ZEB1: variants seen among roughly 807,000 people sequenced by gnomAD.
The protein encoded by ZEB1 is zinc finger E-box binding homeobox 1.
In ZEB1, 21 loss-of-function variants were observed where a neutral mutation model predicts 84.9. That is an observed-to-expected ratio of 0.25 (90% CI 0.18 to 0.36). The LOEUF is 0.36. ZEB1 is among the 10% of genes least tolerant of loss of function. The pLI is 1.00. For missense variants in ZEB1, 1,104 were observed against 1,330.2 expected, an observed-to-expected ratio of 0.83 and a Z score of 2.65; for synonymous variants, 420 against 471.1, an observed-to-expected ratio of 0.89 and a Z score of 1.41.
At chr10:31,379,777 A>G (rs1564651176) in intron 1 of ZEB1, among the ~76,000 whole-genome samples, 2 of 151,766 alleles carry the variant, frequency 1.3e-5, no homozygotes, top group Non-Finnish European at 2.9e-5. Context: ...AGTGTAATAA[A>G]CCCCATGGCC....
At position 31,527,161 on chromosome 10, in the gene ZEB1, G is replaced by T; in HGVS notation, c.3275G>T (p.Gly1092Val). ...GAGGGAGAAGAAGCAAAAACTGAAGGTCTGATGAAGGATGACAGGGCTGAA... is the reference window on the plus strand; with the variant it reads ...GAGGGAGAAGAAGCAAAAACTGAAGTTCTGATGAAGGATGACAGGGCTGAA... ...ENEGEEAKTE[G>V]LMKDDRAESQ... Residue 1092 changes from glycine to valine, a missense_variant, in exon 9 of 9, where the codon GGT becomes GTT. Gly to Val is a moderately radical substitution (Grantham distance 109, BLOSUM62 -3). Coordinates refer to ENST00000424869, the MANE Select transcript of ZEB1 (RefSeq NM_001174096.2). 4 of 1,610,812 alleles carry T rather than the reference G, an allele frequency of 2.5e-6. No homozygotes were observed. The highest frequency in any genetic ancestry group is 3.4e-6 in the Non-Finnish European group (4 of 1,178,342).
chr10:31,508,655 T>G (rs1379711068), intron 4 of ZEB1, among the ~76,000 whole-genome samples: 2 of 152,034 alleles, frequency 1.3e-5, no homozygotes, highest in African/African-American at 4.8e-5. Flanking sequence ...CTCAGGCCCC[T>G]TGGTGGTGTG....
intron 1 of ZEB1, among the ~76,000 whole-genome samples, chr10:31,427,661 G>A (rs2057132339): frequency 6.6e-6 from 1 of 152,066 alleles, no homozygotes; most frequent in African/African-American, 2.4e-5. Flanking sequence ...AGACCATCCT[G>A]GCTAACATGG....
intron 6 of ZEB1, among the ~76,000 whole-genome samples, chr10:31,518,664 G>A (rs533159309): frequency 6.6e-6 from 1 of 152,168 alleles, no homozygotes; most frequent in African/African-American, 2.4e-5. Context: ...ACTATGTGAT[G>A]GAGCCAGGAT....
rs2072303842 is a variant in ZEB1 at position 31,521,301 on chromosome 10, G to T, written c.1969G>T (p.Ala657Ser). 1.2e-6 allele frequency: 2 copies of T among 1,613,908 alleles called. No homozygotes were observed. Among genetic ancestry groups the T allele is most frequent in the African/African-American group, 2.7e-5 (2 of 74,882 alleles). ...TGAACCAGGCAAAGTAAATATCCCT[G>T]CCAAGAACAATGATCAGCCTCAATC... is the stretch of plus-strand genomic sequence containing the variant. ...SPEPGKVNIP[A>S]KNNDQPQSAN... Residue 657 changes from alanine to serine, a missense_variant, in exon 7 of 9, where the codon GCC becomes TCC. Ala to Ser is a moderately conservative substitution (Grantham distance 99, BLOSUM62 1). Around this residue, in one of 7 missense-constraint regions of ZEB1, gnomAD observed 531 missense variants for 575.2 expected, o/e 0.92. Transcript: ENST00000424869.
chr10:31,472,729 A>G (rs1291708075), intron 2 of ZEB1, among the ~76,000 whole-genome samples: 2 of 139,142 alleles, frequency 1.4e-5, no homozygotes, highest in South Asian at 2.3e-4. Context: ...TCATTCTGAT[A>G]CCAAAGCCTG....
At chr10:31,371,078 A>T (rs1043267766) in intron 1 of ZEB1, among the ~76,000 whole-genome samples, 1 of 152,186 alleles carries the variant, frequency 6.6e-6, no homozygotes, top group African/African-American at 2.4e-5. Context: ...TAAAAACACA[A>T]GTCACTTCAT....
chr10:31,446,459 T>C (rs914875588), intron 1 of ZEB1, among the ~76,000 whole-genome samples: 28 of 151,146 alleles, frequency 1.9e-4, no homozygotes, highest in East Asian at 5.9e-4. Context: ...TGCTAGCTTT[T>C]GAATGTGTTT....
At chr10:31,440,891 T>G (rs1192935956) in intron 1 of ZEB1, among the ~76,000 whole-genome samples, 2 of 152,052 alleles carry the variant, frequency 1.3e-5, no homozygotes, top group Admixed American at 1.3e-4. Flanking sequence ...AAACCACTGG[T>G]CAAGGAAATA....
chr10:31,377,087 C>CT (rs1193120000), intron 1 of ZEB1, among the ~76,000 whole-genome samples: 2,592 of 107,166 alleles, frequency 0.024, 31 homozygotes, highest in African/African-American at 0.034. Context: ...AACCTAGTGT[C>CT]TTTTTTTTTT....
intron 1 of ZEB1, among the ~76,000 whole-genome samples, chr10:31,373,746 G>A (rs762940658): frequency 4.6e-5 from 7 of 151,670 alleles, no homozygotes; most frequent in South Asian, 2.1e-4. Context: ...AAGATAAGAC[G>A]TTTATACTCT....
chr10:31,394,207 G>A (rs2050282603), intron 1 of ZEB1, among the ~76,000 whole-genome samples: 1 of 152,082 alleles, frequency 6.6e-6, no homozygotes, highest in Non-Finnish European at 1.5e-5. Flanking sequence ...TTGAGCTAAG[G>A]GCACAGCAGA....
chr10:31,357,366 C>T (rs2042288142), intron 1 of ZEB1, among the ~76,000 whole-genome samples: 1 of 152,080 alleles, frequency 6.6e-6, no homozygotes, highest in Admixed American at 6.6e-5. Flanking sequence ...TAGTGGTTCT[C>T]TGAAACTGTT....
chr10:31,378,287 G>T (rs1053302203), intron 1 of ZEB1, among the ~76,000 whole-genome samples: 1 of 151,234 alleles, frequency 6.6e-6, no homozygotes, highest in Non-Finnish European at 1.5e-5. Context: ...AGTGAACATT[G>T]AGTAAAAAAG....
At chr10:31,364,983 G>GTCAGC (rs907142904) in intron 1 of ZEB1, among the ~76,000 whole-genome samples, 2 of 152,212 alleles carry the variant, frequency 1.3e-5, no homozygotes, top group Non-Finnish European at 2.9e-5. Flanking sequence ...ACTACCAGTT[G>GTCAGC]TCAGCACAGC....
At chr10:31,436,484 A>C (rs1322968569) in intron 1 of ZEB1, among the ~76,000 whole-genome samples, 1 of 152,094 alleles carries the variant, frequency 6.6e-6, no homozygotes, top group Admixed American at 6.6e-5. Context: ...TGTTCAGAGC[A>C]TGTCCGGAGC....
chr10:31,418,580 G>C (rs999322705), intron 1 of ZEB1, among the ~76,000 whole-genome samples: 6 of 152,022 alleles, frequency 3.9e-5, no homozygotes, highest in Non-Finnish European at 8.8e-5. Context: ...GTTGTTTAAG[G>C]TTTATTTTGC....
In ZEB1 at chr10:31,366,137, C is replaced by T. The variant is rs1222053588; in HGVS notation, c.58+46845C>T. On this transcript the variant is annotated intron_variant, in intron 1 of 8. Transcript: ENST00000424869. ...CTTTGCTCCCACAGGTTAGTCCTTT[C>T]CCCCAATCTAAAATCTCTCTGACTA... Among the ~76,000 whole-genome samples the T allele has an allele frequency of 2.0e-5, 3 of 152,108 alleles. No individual in the cohort carries two copies. The East Asian group carries it at 5.8e-4, about 29-fold the overall frequency.
intron 1 of ZEB1, among the ~76,000 whole-genome samples, chr10:31,380,124 G>A (rs2047369709): frequency 6.6e-6 from 1 of 152,000 alleles, no homozygotes; most frequent in Non-Finnish European, 1.5e-5. Flanking sequence ...ATAATTAAAA[G>A]GTCTTTTCTT....
Sources: allele counts gnomAD v4.1 joint callset (sites outside exome capture counted in the v4.1 genomes callset), GRCh38; gene constraint gnomAD v4.1.1; regional missense constraint gnomAD v4.1.1; transcripts MANE v1.5; gene names NCBI Gene and HGNC (gene_info 2026-07-23, HGNC 2026-07-21).